WASHC3: variants seen among roughly 807,000 people sequenced by gnomAD.
The protein encoded by WASHC3 is WASH complex subunit CCDC53.
A neutral mutation model predicts 26.1 loss-of-function variants in WASHC3; 24 were observed. The observed-to-expected ratio is 0.92, with a 90% CI of 0.66 to 1.29. WASHC3 has a LOEUF of 1.29. Ranked by LOEUF, WASHC3 falls within the 50% of genes most tolerant of loss-of-function variation. The pLI is 0.00. For missense variants in WASHC3, 214 were observed against 229.6 expected (o/e 0.93, Z 0.44); for synonymous variants, 77 against 75.7 (o/e 1.02, Z -0.09).
chr12:102,055,929 T>G (rs752373565), intron 2 of WASHC3, among the ~76,000 whole-genome samples: 34 of 152,178 alleles, frequency 2.2e-4, no homozygotes, highest in Non-Finnish European at 4.3e-4. Flanking sequence ...GACACAGTGT[T>G]AACACAAAAG....
intron 1 of WASHC3, 32 bp from the exon 2 acceptor site, chr12:102,061,378 C>G: frequency 1.4e-6 from 2 of 1,400,450 alleles, no homozygotes. Context: ...ATGGTTCATA[C>G]AGGAGGAACG....
intron 6 of WASHC3, among the ~76,000 whole-genome samples, chr12:102,014,696 T>A (rs11111129): frequency 0.026 from 3,940 of 152,282 alleles, 164 homozygotes; most frequent in African/African-American, 0.091. Flanking sequence ...ACAGTGAAAC[T>A]TTAAAGCTGG....
intron 6 of WASHC3, chr12:102,017,658 C>A (rs952713061): frequency 2.9e-6 from 1 of 339,162 alleles, no homozygotes; most frequent in East Asian, 9.0e-5. Flanking sequence ...TGGAAACTCT[C>A]TTTAACCTTC....
rs184196039 is a variant in WASHC3, at chr12:102,045,515, T to C, written c.216+539A>G. Reference sequence around the variant, plus strand: ...AGAAAAAACACATGTAAAAAAATATTAAAAATGAAACCAAAGACATCACTG... The same window carrying C: ...AGAAAAAACACATGTAAAAAAATATCAAAAATGAAACCAAAGACATCACTG... On this transcript the variant is annotated intron_variant, in intron 3 of 6. Transcript: ENST00000240079. Among the ~76,000 whole-genome samples the C allele has an allele frequency of 8.6e-4, 131 of 152,276 alleles. 1 individual carries two copies. Among genetic ancestry groups the C allele is most frequent in the African/African-American group, 3.1e-3 (128 of 41,566 alleles).
At chr12:102,054,507 G>A (rs139520053) in intron 2 of WASHC3, among the ~76,000 whole-genome samples, 20 of 152,246 alleles carry the variant, frequency 1.3e-4, no homozygotes, top group African/African-American at 3.1e-4. Flanking sequence ...GTGAGACGCC[G>A]TCTCTACAAA....
At chr12:102,036,773 G>A (rs950899068) in intron 5 of WASHC3, among the ~76,000 whole-genome samples, 2 of 152,116 alleles carry the variant, frequency 1.3e-5, no homozygotes, top group Admixed American at 6.6e-5. Flanking sequence ...ACCGAAGGCA[G>A]AAAGGAGACA....
intron 6 of WASHC3, 144 bp from the exon 7 acceptor site, chr12:102,013,336 C>T (rs1263005956): frequency 1.2e-5 from 7 of 592,042 alleles, no homozygotes; most frequent in African/African-American, 3.8e-5. Context: ...TACACCACAG[C>T]GTGCTTCTCT....
chr12:102,052,746 C>A (rs1376145934), intron 2 of WASHC3, among the ~76,000 whole-genome samples: 1 of 152,120 alleles, frequency 6.6e-6, no homozygotes, highest in Non-Finnish European at 1.5e-5. Context: ...AGGGTTTAGG[C>A]CCATCCCAGT....
chr12:102,045,996 A>C, intron 3 of WASHC3, 58 bp downstream of exon 3: 1 of 940,262 alleles, frequency 1.1e-6, no homozygotes, highest in East Asian at 2.6e-5. Flanking sequence ...AAGTATGATT[A>C]AGAAAGCTGG....
intron 5 of WASHC3, among the ~76,000 whole-genome samples, chr12:102,033,681 G>C (rs573447151): frequency 6.6e-6 from 1 of 151,168 alleles, no homozygotes; most frequent in African/African-American, 2.4e-5. Context: ...CTTAGGATTA[G>C]ATATTGTTGG....
intron 6 of WASHC3, among the ~76,000 whole-genome samples, chr12:102,020,997 G>A (rs1000308032): frequency 2.6e-5 from 4 of 152,136 alleles, no homozygotes; most frequent in Non-Finnish European, 2.9e-5. Flanking sequence ...CAGGAGAATC[G>A]CTTGAACCCG....
chr12:102,060,298 TA>T (rs1878750120), intron 2 of WASHC3, among the ~76,000 whole-genome samples: 1 of 152,222 alleles, frequency 6.6e-6, no homozygotes, highest in African/African-American at 2.4e-5. Context: ...ATCTAGTACC[TA>T]ATCCTCTTTT....
At chr12:102,027,262 C>G (rs538165801) in intron 5 of WASHC3, among the ~76,000 whole-genome samples, 3 of 152,062 alleles carry the variant, frequency 2.0e-5, no homozygotes, top group Non-Finnish European at 4.4e-5. Flanking sequence ...ATGAAAAGTA[C>G]AAATACTTAG....
intron 2 of WASHC3, 118 bp downstream of exon 2, chr12:102,061,130 T>C: frequency 1.5e-6 from 1 of 665,592 alleles, no homozygotes; most frequent in Admixed American, 2.6e-5. Context: ...CACAATTGGG[T>C]GATGAGAGGT....
chr12:102,022,546 A>G (rs1877002830), intron 6 of WASHC3, among the ~76,000 whole-genome samples: 1 of 152,220 alleles, frequency 6.6e-6, no homozygotes, highest in African/African-American at 2.4e-5. Context: ...TTACACAACT[A>G]GAAAGTGGCA....
Position 102,026,031 on chromosome 12 carries a change from G to C in WASHC3, c.443C>G (p.Pro148Arg), listed in dbSNP as rs1182819094. ...RYLKMVQVGV[P>R]VMAIRNKMIS... ...CATTTTGTTTCTTATTGCCATCACT[G>C]GTACACCCTAAGCAAAGGATATAAG... The change falls in exon 6 of 7, where the codon CCA becomes CGA. Residue 148 changes from proline (P) to arginine (R), a missense_variant. Coordinates refer to ENST00000240079, the MANE Select transcript of WASHC3 (RefSeq NM_016053.4). The C allele has an allele frequency of 6.5e-7, 1 of 1,537,098 alleles. No homozygotes were observed. Among genetic ancestry groups the C allele is most frequent in the Non-Finnish European group, 8.9e-7 (1 of 1,129,190 alleles).
At chr12:102,045,291 A>G (rs1002490574) in intron 3 of WASHC3, among the ~76,000 whole-genome samples, 5 of 152,332 alleles carry the variant, frequency 3.3e-5, no homozygotes, top group African/African-American at 9.6e-5. Flanking sequence ...AGAGAAACAC[A>G]GTTGCTGAAG....
intron 2 of WASHC3, among the ~76,000 whole-genome samples, chr12:102,052,958 C>T (rs1200950474): frequency 6.6e-6 from 1 of 152,058 alleles, no homozygotes; most frequent in Admixed American, 6.5e-5. Context: ...CCAAGCTGGC[C>T]CCAGACAAAT....
intron 5 of WASHC3, among the ~76,000 whole-genome samples, chr12:102,037,501 G>A (rs886101620): frequency 2.6e-5 from 4 of 151,734 alleles, no homozygotes; most frequent in South Asian, 2.1e-4. Context: ...AAGTGAGGGA[G>A]CAAACCATGA....
Sources: allele counts gnomAD v4.1 joint callset (sites outside exome capture counted in the v4.1 genomes callset), GRCh38; gene constraint gnomAD v4.1.1; transcripts MANE v1.5; gene names NCBI Gene and HGNC (gene_info 2026-07-23, HGNC 2026-07-21).